Variants in CCND2 observed in about 807,000 individuals in gnomAD.
The protein encoded by CCND2 is cyclin D2, also known as G1/S-specific cyclin-D2.
CCND2 carries 6 observed loss-of-function variants against 30.2 expected under a neutral mutation model. The observed-to-expected ratio is 0.20, with a 90% CI of 0.11 to 0.39. The LOEUF (loss-of-function observed/expected upper bound fraction) is 0.39. CCND2 is among the 10% of genes least tolerant of loss of function. The probability of loss-of-function intolerance (pLI) is 1.00; values close to 1 mark genes in which losing one functional copy is unlikely to be tolerated. For missense variants in CCND2, 235 were observed against 373.4 expected (o/e 0.63, Z 3.06); for synonymous variants, 150 against 153.1 (o/e 0.98, Z 0.15).
intron 4 of CCND2, among the ~76,000 whole-genome samples, chr12:4,292,820 C>T (rs907285463): frequency 6.6e-6 from 1 of 152,182 alleles, no homozygotes; most frequent in Non-Finnish European, 1.5e-5. Context: ...GAGGGTGCCA[C>T]TGGCCTGGGT....
In CCND2 at chr12:4,301,284, A is replaced by G; in HGVS notation, c.*1275A>G. The G allele has an allele frequency of 8.6e-6, 2 of 233,676 alleles. No individual in the cohort carries two copies. Among genetic ancestry groups the G allele is most frequent in the Non-Finnish European group, 8.5e-6 (1 of 118,044 alleles). The allele number at this position is 233,676 out of a possible 1,614,324, so 14.5% of individuals were successfully genotyped here. A position where few individuals can be genotyped will look rare whatever the true frequency, so the allele number is the denominator to read the frequency against. ...TCTATACTTCTCCTTTGGACATGGA[A>G]AGAAAAGTTATTGCTGGTGCAAAGA... On this transcript the variant is annotated 3_prime_UTR_variant, in exon 5 of 5. Coordinates refer to ENST00000261254, the MANE Select transcript of CCND2 (RefSeq NM_001759.4).
At chr12:4,283,338 C>T (rs978573924) in intron 3 of CCND2, among the ~76,000 whole-genome samples, 1 of 152,198 alleles carries the variant, frequency 6.6e-6, no homozygotes, top group Non-Finnish European at 1.5e-5. Context: ...AGAGCGCCAC[C>T]TTTGGGGCTC....
intron 4 of CCND2, among the ~76,000 whole-genome samples, chr12:4,296,150 C>CT (rs1049264035): frequency 7.9e-5 from 12 of 152,350 alleles, no homozygotes; most frequent in African/African-American, 2.9e-4. Flanking sequence ...AGTTCTTTCG[C>CT]TTTCTGGAGC....
intron 3 of CCND2, among the ~76,000 whole-genome samples, chr12:4,279,622 A>T (rs1863920946): frequency 6.9e-6 from 1 of 144,138 alleles, no homozygotes; most frequent in Non-Finnish European, 1.5e-5. Flanking sequence ...TTGATACATC[A>T]TTCCTACTGG....
Position 4,274,699 on chromosome 12 carries a change from A to C in CCND2, c.195+464A>C, listed in dbSNP as rs1863839953. ...CCTGTGGTCGCGACTCCGCGCTGGCACTTCACCGGGGAGGTGGAGGGAGGA... is the reference window on the plus strand; with the variant it reads ...CCTGTGGTCGCGACTCCGCGCTGGCCCTTCACCGGGGAGGTGGAGGGAGGA... On this transcript the variant is annotated intron_variant, in intron 1 of 4. Transcript: ENST00000261254. This position sits in a 1 kb window ranked among gnomAD's most constrained non-coding sequence, Gnocchi z 7.7. Among the ~76,000 whole-genome samples the C allele has an allele frequency of 6.6e-6, 1 of 152,196 alleles. No homozygotes were observed. The highest frequency in any genetic ancestry group is 1.5e-5 in the Non-Finnish European group (1 of 68,042).
chr12:4,281,384 C>T (rs555066709), intron 3 of CCND2, among the ~76,000 whole-genome samples: 18 of 152,156 alleles, frequency 1.2e-4, no homozygotes, highest in Non-Finnish European at 2.2e-4. Context: ...CATGGAGAGG[C>T]GATTGTGCAT....
intron 4 of CCND2, among the ~76,000 whole-genome samples, chr12:4,295,309 C>T (rs1261133346): frequency 1.3e-5 from 2 of 152,124 alleles, no homozygotes; most frequent in Non-Finnish European, 2.9e-5. Flanking sequence ...TGTCAAGTTT[C>T]GTGGAAGTGG....
In CCND2 at chr12:4,300,382, C is replaced by G. The variant is rs1287379064; in HGVS notation, c.*373C>G. The G allele has an allele frequency of 3.9e-6, 1 of 256,696 alleles. No homozygotes were observed. The highest frequency in any genetic ancestry group is 4.9e-5 in the Admixed American group (1 of 20,324). 15.9% of individuals were successfully genotyped at this position (256,696 alleles called of 1,614,324 possible). ...TTTTTTTTCATGTTATGAGCTAGCA[C>G]ATACACCCCCTTGTAGTATAATTTC... On this transcript the variant is annotated 3_prime_UTR_variant, in exon 5 of 5. Transcript: ENST00000261254.
At chr12:4,292,531 G>A (rs1407582133) in intron 4 of CCND2, among the ~76,000 whole-genome samples, 1 of 152,158 alleles carries the variant, frequency 6.6e-6, no homozygotes. Flanking sequence ...CATTGGCCAG[G>A]AGCAGATAGC....
intron 1 of CCND2, chr12:4,275,478 T>G (rs1863857781): frequency 2.1e-5 from 2 of 93,650 alleles, no homozygotes; most frequent in East Asian, 3.9e-4. Flanking sequence ...CCCCCTCTCT[T>G]CCCCACCTCT....
At position 4,274,360 on chromosome 12, in the gene CCND2, T is replaced by A; in HGVS notation, c.195+125T>A. 1 of 999,188 alleles carries A rather than the reference T, an allele frequency of 1.0e-6. No individual in the cohort carries two copies. The highest frequency in any genetic ancestry group is 2.4e-5 in the East Asian group (1 of 41,020). 61.9% of individuals were successfully genotyped at this position (999,188 alleles called of 1,614,324 possible). On this transcript the variant is annotated intron_variant, in intron 1 of 4. Coordinates refer to ENST00000261254, the MANE Select transcript of CCND2 (RefSeq NM_001759.4). This position sits in a 1 kb window ranked among gnomAD's most constrained non-coding sequence, Gnocchi z 7.7. Reference sequence around the variant, plus strand: ...GCCTCCCGGCTCCTGTGCGGGAGTTTACCGCGCGCCTTCTGGCGAGACGCG... The same window carrying A: ...GCCTCCCGGCTCCTGTGCGGGAGTTAACCGCGCGCCTTCTGGCGAGACGCG...
In CCND2 at chr12:4,301,615, G is replaced by GT. The variant is rs150151031; in HGVS notation, c.*1607dup. 6,640 of 229,808 alleles carry GT rather than the reference G, an allele frequency of 0.029. 422 individuals are homozygous for GT. Among genetic ancestry groups the GT allele is most frequent in the African/African-American group, 0.14 (6,114 of 44,804 alleles). The allele number at this position is 229,808 out of a possible 1,614,324, so 14.2% of individuals were successfully genotyped here. ...TACACAGATTCTGCCTTGTTTCATA[G>GT]TATGAGGGTTGAAGACGGAAAACAA... On this transcript the variant is annotated 3_prime_UTR_variant, in exon 5 of 5. Transcript: ENST00000261254.
chr12:4,286,450 G>A (rs1864023776), intron 3 of CCND2, among the ~76,000 whole-genome samples: 1 of 152,208 alleles, frequency 6.6e-6, no homozygotes, highest in Non-Finnish European at 1.5e-5. Context: ...GAGAGGTGGG[G>A]CATGCTCAGG....
rs1301716232 is a variant in CCND2, at chr12:4,274,085, G to C, written c.45G>C (p.Val15=). The part of the protein sequence containing the change: ...CHEVDPVRRA[V]RDRNLLRDDR... The stretch of plus-strand genomic sequence containing the variant: ...AGGTGGACCCGGTCCGCAGGGCCGT[G>C]CGGGACCGCAACCTGCTCCGAGACG... The change falls in exon 1 of 5, where the codon GTG becomes GTC. Residue 15 remains valine (V), a synonymous_variant. Coordinates refer to ENST00000261254, the MANE Select transcript of CCND2 (RefSeq NM_001759.4). The surrounding 1 kb of genome is among the most constrained non-coding windows in gnomAD (Gnocchi z 7.7). 3.1e-6 allele frequency: 5 copies of C among 1,613,480 alleles called. No individual in the cohort carries two copies. In the African/African-American group the frequency reaches 6.7e-5, roughly 22 times the overall value.
rs3217805 is a variant in CCND2, at chr12:4,278,918, C to G, written c.570C>G (p.Thr190=). ...HAQTFIALCA[T]DFKFAMYPPS... ...AGACCTTCATTGCTCTGTGTGCCAC[C>G]GGTAAGATGAGGCTTGAGCCGGGGA... is the stretch of plus-strand genomic sequence containing the variant. The change falls in exon 3 of 5, where the codon ACC becomes ACG. Residue 190 remains threonine (T), a splice_region_variant and synonymous_variant. Coordinates refer to ENST00000261254, the MANE Select transcript of CCND2 (RefSeq NM_001759.4). 0.37 allele frequency: 590,807 copies of G among 1,608,466 alleles called. 112,564 individuals are homozygous for G. The highest frequency in any genetic ancestry group is 0.4 in the Non-Finnish European group (467,667 of 1,176,300).
intron 3 of CCND2, among the ~76,000 whole-genome samples, chr12:4,281,811 T>C (rs1863952007): frequency 6.6e-6 from 1 of 152,078 alleles, no homozygotes; most frequent in South Asian, 2.1e-4. Context: ...GGTCTTGCTT[T>C]ATGGGGCTCT....
Position 4,274,264 on chromosome 12 carries a change from G to A in CCND2, c.195+29G>A, listed in dbSNP as rs761064579. 1.2e-6 allele frequency: 2 copies of A among 1,608,612 alleles called. No homozygotes were observed. The highest frequency in any genetic ancestry group is 8.5e-7 in the Non-Finnish European group (1 of 1,176,208). On this transcript the variant is annotated intron_variant, in intron 1 of 4. Coordinates refer to ENST00000261254, the MANE Select transcript of CCND2 (RefSeq NM_001759.4). The surrounding 1 kb of genome is among the most constrained non-coding windows in gnomAD (Gnocchi z 7.7). ...GGTCGGGGGGTGGCGCTCGCCAGGA[G>A]CCAGGACCCCTCCGGATGCTCGGGT... is the stretch of plus-strand genomic sequence containing the variant.
intron 1 of CCND2, 38 bp from the exon 2 acceptor site, chr12:4,275,967 C>A: frequency 8.2e-7 from 1 of 1,226,826 alleles, no homozygotes; most frequent in Non-Finnish European, 1.1e-6. Flanking sequence ...CTATGCTCTC[C>A]ACCCCCGCCC....
chr12:4,278,985 C>T (rs1863911743), intron 3 of CCND2, 66 bp downstream of exon 3: 5 of 1,500,510 alleles, frequency 3.3e-6, no homozygotes, highest in Middle Eastern at 1.7e-4. Context: ...CGGGGAGAGG[C>T]AAAAGGCCGT....
Sources: gnomAD v4.1 joint callset for allele counts (sites outside exome capture counted in the v4.1 genomes callset) on GRCh38, gnomAD v4.1.1 for gene constraint, Gnocchi (gnomAD v3.1) non-coding constraint, MANE v1.5 for transcripts, NCBI Gene and HGNC (gene_info 2026-07-23, HGNC 2026-07-21) for gene names.